Variants in PRKN observed in about 807,000 individuals in gnomAD.
The protein encoded by PRKN is parkin RBR E3 ubiquitin protein ligase.
A neutral mutation model predicts 59.5 loss-of-function variants in PRKN; 56 were observed. That is an observed-to-expected ratio of 0.94 (90% confidence interval 0.76 to 1.18). The LOEUF (loss-of-function observed/expected upper bound fraction) is 1.18, where lower values mean the gene tolerates loss of function less well. Among genes scored for constraint, PRKN ranks in the 50% most tolerant of loss-of-function variants. The probability of loss-of-function intolerance (pLI) is 0.00; values close to 1 mark genes in which losing one functional copy is unlikely to be tolerated. For synonymous variants in PRKN, 250 were observed against 222.1 expected (o/e 1.13, Z -1.12); for missense variants, 657 against 596.4 (o/e 1.10, Z -1.06).
At chr6:162,508,393 T>C (rs2128189693) in intron 1 of PRKN, among the ~76,000 whole-genome samples, 1 of 152,348 alleles carries the variant, frequency 6.6e-6, no homozygotes, top group South Asian at 2.1e-4. Flanking sequence ...CTTATTTATC[T>C]TGTTTAGCAA....
intron 1 of PRKN, among the ~76,000 whole-genome samples, chr6:162,700,846 A>C (rs1173010843): frequency 6.6e-6 from 1 of 152,062 alleles, no homozygotes; most frequent in Non-Finnish European, 1.5e-5. Flanking sequence ...AATACTATAC[A>C]TCCTTCAAGA....
intron 1 of PRKN, among the ~76,000 whole-genome samples, chr6:162,726,709 C>T (rs545975711): frequency 3.4e-4 from 52 of 152,332 alleles, no homozygotes; most frequent in African/African-American, 1.2e-3. Flanking sequence ...TTCGAACGTA[C>T]TTACTGCAAT....
At chr6:161,501,945 G>A (rs1159051095) in intron 9 of PRKN, among the ~76,000 whole-genome samples, 1 of 152,084 alleles carries the variant, frequency 6.6e-6, no homozygotes, top group Non-Finnish European at 1.5e-5. Flanking sequence ...GCTGTTCTGG[G>A]GGAAGATATA....
At chr6:162,525,302 C>T (rs542478653) in intron 1 of PRKN, among the ~76,000 whole-genome samples, 1 of 152,318 alleles carries the variant, frequency 6.6e-6, no homozygotes, top group African/African-American at 2.4e-5. Context: ...TCTCCAGCTG[C>T]TGTCCCCTGG....
rs371686687 is a variant in PRKN at position 161,739,921 on chromosome 6, G to A, written c.871+45851C>T. 4.6e-5 allele frequency among the ~76,000 whole-genome samples: 7 copies of A among 152,026 alleles called. No individual in the cohort carries two copies. In the South Asian group the frequency reaches 1.5e-3, roughly 32 times the overall value. ...AGGTGCACACCACCACGCCCAGCTA[G>A]TTTTTGTATTTTTAGTAAAGACAGG... On this transcript the variant is annotated intron_variant, in intron 7 of 11. Coordinates refer to ENST00000366898, the MANE Select transcript of PRKN (RefSeq NM_004562.3).
chr6:161,493,579 A>G (rs1777636182), intron 9 of PRKN, among the ~76,000 whole-genome samples: 1 of 152,198 alleles, frequency 6.6e-6, no homozygotes, highest in Admixed American at 6.5e-5. Flanking sequence ...GTTGCAGCAC[A>G]GAGTCGCCTG....
intron 5 of PRKN, among the ~76,000 whole-genome samples, chr6:162,014,722 C>A (rs1382311887): frequency 6.6e-6 from 1 of 152,122 alleles, no homozygotes; most frequent in Admixed American, 6.5e-5. Context: ...GGCTCTCTCT[C>A]CCAGCTGAGG....
chr6:162,713,611 T>C (rs1350881844), intron 1 of PRKN, among the ~76,000 whole-genome samples: 1 of 152,024 alleles, frequency 6.6e-6, no homozygotes. Context: ...TTATATCCCA[T>C]TATCAAAAAT....
At chr6:162,009,671 C>CA (rs1283308280) in intron 5 of PRKN, among the ~76,000 whole-genome samples, 1 of 151,612 alleles carries the variant, frequency 6.6e-6, no homozygotes, top group African/African-American at 2.4e-5. Context: ...CATGGTGGCT[C>CA]ATGCCTGTAA....
At chr6:161,434,569 C>A (rs1485759473) in intron 9 of PRKN, among the ~76,000 whole-genome samples, 1 of 152,128 alleles carries the variant, frequency 6.6e-6, no homozygotes, top group Admixed American at 6.5e-5. Context: ...ATAATGCAGA[C>A]CGTTTGAGAA....
intron 7 of PRKN, among the ~76,000 whole-genome samples, chr6:161,587,432 T>C (rs541919783): frequency 6.6e-6 from 1 of 152,332 alleles, no homozygotes; most frequent in Admixed American, 6.5e-5. Flanking sequence ...GGCATCATTA[T>C]ATGTCTGTGT....
At chr6:161,940,287 A>T (rs1286168591) in intron 6 of PRKN, among the ~76,000 whole-genome samples, 1 of 152,122 alleles carries the variant, frequency 6.6e-6, no homozygotes, top group Non-Finnish European at 1.5e-5. Flanking sequence ...ATAGCAAAAA[A>T]AAAAAGAAAA....
At chr6:162,442,659 T>A (rs778873953) in intron 2 of PRKN, among the ~76,000 whole-genome samples, 48 of 152,154 alleles carry the variant, frequency 3.2e-4, no homozygotes, top group Non-Finnish European at 4.9e-4. Context: ...AGAGCATCGT[T>A]CACACTTATT....
chr6:162,584,212 C>CA (rs777161921), intron 1 of PRKN, among the ~76,000 whole-genome samples: 29,785 of 90,980 alleles, frequency 0.33, 4,362 homozygotes, highest in African/African-American at 0.48. Flanking sequence ...GACTCCGTCT[C>CA]AAAAAAAAAA....
chr6:161,587,655 T>G (rs1781567572), intron 7 of PRKN, among the ~76,000 whole-genome samples: 1 of 152,154 alleles, frequency 6.6e-6, no homozygotes, highest in African/African-American at 2.4e-5. Context: ...AAAAAACTTT[T>G]ATTTCTATAA....
chr6:162,635,942 T>C (rs1208310862), intron 1 of PRKN, among the ~76,000 whole-genome samples: 1 of 152,172 alleles, frequency 6.6e-6, no homozygotes, highest in African/African-American at 2.4e-5. Flanking sequence ...AAAACCATTA[T>C]GGCATGAGGC....
intron 1 of PRKN, among the ~76,000 whole-genome samples, chr6:162,547,726 A>G (rs1298123640): frequency 6.6e-6 from 1 of 151,778 alleles, no homozygotes; most frequent in Non-Finnish European, 1.5e-5. Context: ...GATTACAGGC[A>G]CACACCACCA....
intron 9 of PRKN, among the ~76,000 whole-genome samples, chr6:161,496,896 T>A (rs779200783): frequency 2.6e-5 from 4 of 152,176 alleles, no homozygotes; most frequent in Non-Finnish European, 2.9e-5. Context: ...AAGGAGGGAT[T>A]CTTCCCCATG....
chr6:162,519,576 A>G (rs1347454873), intron 1 of PRKN, among the ~76,000 whole-genome samples: 1 of 152,184 alleles, frequency 6.6e-6, no homozygotes, highest in Admixed American at 6.5e-5. Flanking sequence ...GTGTGTATGC[A>G]TAAACATAGT....
Sources: allele counts gnomAD v4.1 joint callset (sites outside exome capture counted in the v4.1 genomes callset), GRCh38; gene constraint gnomAD v4.1.1; transcripts MANE v1.5; gene names NCBI Gene and HGNC (gene_info 2026-07-23, HGNC 2026-07-21).